HTR2C: variants seen among roughly 807,000 people sequenced by gnomAD.
The protein encoded by HTR2C is 5-hydroxytryptamine receptor 2C.
In HTR2C, 5 loss-of-function variants were observed where a neutral mutation model predicts 21.0. The ratio of observed to expected loss-of-function variants is 0.24; its 90% CI spans 0.12 to 0.50. The LOEUF (loss-of-function observed/expected upper bound fraction) is 0.50. HTR2C is among the 20% of genes least tolerant of loss of function. The pLI, the probability that HTR2C is intolerant of heterozygous loss-of-function variation, is 0.98. For missense variants in HTR2C, 271 were observed against 371.2 expected (o/e 0.73, Z 2.22); for synonymous variants, 150 against 145.3 (o/e 1.03, Z -0.23).
At chrX:114,810,958 A>T (rs2070525318) in intron 4 of HTR2C, among the ~76,000 whole-genome samples, 1 of 111,392 alleles carries the variant, frequency 9.0e-6, no homozygotes, top group South Asian at 3.8e-4. Context: ...TGATTTTTAA[A>T]ACCAGTTTAT....
At chrX:114,860,911 G>A (rs1205825539) in intron 5 of HTR2C, among the ~76,000 whole-genome samples, 1 of 110,778 alleles carries the variant, frequency 9.0e-6, no homozygotes, top group Non-Finnish European at 1.9e-5. Flanking sequence ...AATGCAATAC[G>A]TATACTTTAA....
At chrX:114,841,675 A>C (rs1437422372) in intron 4 of HTR2C, among the ~76,000 whole-genome samples, 1 of 110,262 alleles carries the variant, frequency 9.1e-6, no homozygotes, top group African/African-American at 3.3e-5. Context: ...CGGAAGGCAG[A>C]GCTTGCAGTG....
chrX:114,760,176 G>T (rs911774765), intron 4 of HTR2C, among the ~76,000 whole-genome samples: 9 of 111,175 alleles, frequency 8.1e-5, no homozygotes, highest in African/African-American at 2.6e-4. Flanking sequence ...TCACATACTT[G>T]CCCATCTATG....
chrX:114,812,877 A>C (rs2070548878), intron 4 of HTR2C, among the ~76,000 whole-genome samples: 1 of 112,163 alleles, frequency 8.9e-6, no homozygotes, highest in Admixed American at 9.5e-5. Context: ...TTGAATTATT[A>C]TGGTAAATAG....
intron 2 of HTR2C, among the ~76,000 whole-genome samples, chrX:114,685,590 G>A (rs1402463180): frequency 7.2e-5 from 8 of 111,669 alleles, no homozygotes; most frequent in African/African-American, 1.3e-4. Flanking sequence ...ACAGTAACCC[G>A]CCACCAGAGG....
intron 2 of HTR2C, among the ~76,000 whole-genome samples, chrX:114,699,796 T>C (rs1270358502): frequency 1.8e-5 from 2 of 112,133 alleles, no homozygotes; most frequent in Non-Finnish European, 3.8e-5. Flanking sequence ...TCCATAGCTA[T>C]AATTTTTATG....
intron 4 of HTR2C, among the ~76,000 whole-genome samples, chrX:114,758,240 C>T (rs1556430999): frequency 9.0e-6 from 1 of 111,421 alleles, no homozygotes; most frequent in East Asian, 2.8e-4. Context: ...TAAAAGTTTA[C>T]AATAATGATG....
At chrX:114,645,994 T>G in intron 2 of HTR2C, among the ~76,000 whole-genome samples, 1 of 111,844 alleles carries the variant, frequency 8.9e-6, no homozygotes, top group Non-Finnish European at 1.9e-5. Context: ...AATCAAAAGG[T>G]CTAAGGATTT....
At chrX:114,695,511 T>C (rs1932253723) in intron 2 of HTR2C, among the ~76,000 whole-genome samples, 1 of 111,993 alleles carries the variant, frequency 8.9e-6, no homozygotes, top group Non-Finnish European at 1.9e-5. Context: ...ATGATTGTCT[T>C]CCTTTATCCT....
At chrX:114,746,403 G>T (rs782130685) in intron 4 of HTR2C, among the ~76,000 whole-genome samples, 14 of 111,340 alleles carry the variant, frequency 1.3e-4, no homozygotes, top group African/African-American at 4.6e-4. Context: ...ATATAAAAGG[G>T]ATAATACATT....
intron 2 of HTR2C, among the ~76,000 whole-genome samples, chrX:114,658,857 T>C (rs1379605772): frequency 9.0e-6 from 1 of 111,439 alleles, no homozygotes; most frequent in East Asian, 2.8e-4. Flanking sequence ...GGGGCAAAAG[T>C]TTTAGGATAA....
chrX:114,900,297 C>G (rs782476122), intron 5 of HTR2C: 1 of 171,948 alleles, frequency 5.8e-6, no homozygotes, highest in Non-Finnish European at 1.1e-5. Flanking sequence ...AGTTCTGAGA[C>G]CATTCTTCCA....
intron 4 of HTR2C, among the ~76,000 whole-genome samples, chrX:114,797,960 C>T (rs1556445729): frequency 9.0e-6 from 1 of 111,496 alleles, no homozygotes; most frequent in Non-Finnish European, 1.9e-5. Context: ...TAGAGGTCTT[C>T]GGAAATCACA....
At chrX:114,642,985 C>A (rs1930197292) in intron 2 of HTR2C, among the ~76,000 whole-genome samples, 1 of 110,650 alleles carries the variant, frequency 9.0e-6, no homozygotes, top group African/African-American at 3.3e-5. Context: ...GAAAAAAATT[C>A]AACAATGAAT....
intron 4 of HTR2C, among the ~76,000 whole-genome samples, chrX:114,750,376 C>T: frequency 8.9e-6 from 1 of 111,756 alleles, no homozygotes; most frequent in Non-Finnish European, 1.9e-5. Flanking sequence ...TCTTCTATTA[C>T]TTTGAAGAAA....
At chrX:114,705,400 G>A (rs1247172513) in intron 2 of HTR2C, among the ~76,000 whole-genome samples, 3 of 109,429 alleles carry the variant, frequency 2.7e-5, no homozygotes, top group Non-Finnish European at 5.7e-5. Context: ...CAGAAATAAC[G>A]CCTCATATCT....
At chrX:114,776,644 A>G in intron 4 of HTR2C, 1 of 507,877 alleles carries the variant, frequency 2.0e-6, no homozygotes, top group South Asian at 2.6e-5. Flanking sequence ...CAGTGTTCAT[A>G]AAGGTGACAT....
At chrX:114,672,655 C>T (rs1556411970) in intron 2 of HTR2C, among the ~76,000 whole-genome samples, 1 of 111,547 alleles carries the variant, frequency 9.0e-6, no homozygotes, top group Non-Finnish European at 1.9e-5. Context: ...ATAGCTATAG[C>T]TAATTCTCCA....
At chrX:114,622,610 A>C (rs1256926868) in intron 2 of HTR2C, among the ~76,000 whole-genome samples, 3 of 111,911 alleles carry the variant, frequency 2.7e-5, no homozygotes, top group Non-Finnish European at 5.6e-5. Flanking sequence ...GACTAATAAA[A>C]AATCTCATCA....
Sources: allele counts gnomAD v4.1 joint callset (sites outside exome capture counted in the v4.1 genomes callset), GRCh38; gene constraint gnomAD v4.1.1; transcripts MANE v1.5; gene names NCBI Gene and HGNC (gene_info 2026-07-23, HGNC 2026-07-21).